WDR72: variants seen among roughly 807,000 people sequenced by gnomAD.
WDR72 encodes WD repeat domain 72.
A neutral mutation model predicts 124.2 loss-of-function variants in WDR72; 120 were observed. The observed-to-expected ratio is 0.97, with a 90% CI of 0.83 to 1.12. The LOEUF is 1.12. Among genes scored for constraint, WDR72 ranks in the 50% most tolerant of loss-of-function variants. The probability of loss-of-function intolerance (pLI) is 0.00; values close to 1 mark genes in which losing one functional copy is unlikely to be tolerated. For missense variants in WDR72, 1,387 were observed against 1,278.8 expected, an observed-to-expected ratio of 1.08 and a Z score of -1.29; for synonymous variants, 452 against 441.7, an observed-to-expected ratio of 1.02 and a Z score of -0.29.
At chr15:53,657,200 A>G (rs2015455925) in intron 14 of WDR72, among the ~76,000 whole-genome samples, 3 of 142,370 alleles carry the variant, frequency 2.1e-5, no homozygotes, top group Admixed American at 1.5e-4. Context: ...GGAGGCACAG[A>G]CTGCAGTGAG....
At chr15:53,688,711 CTACTT>C (rs1246424989) in intron 13 of WDR72, among the ~76,000 whole-genome samples, 3 of 152,098 alleles carry the variant, frequency 2.0e-5, no homozygotes, top group African/African-American at 7.2e-5. Flanking sequence ...TTGGAAAAAA[CTACTT>C]TAAAGTTCAT....
intron 18 of WDR72, among the ~76,000 whole-genome samples, chr15:53,546,687 A>C (rs974580239): frequency 6.6e-6 from 1 of 152,030 alleles, no homozygotes; most frequent in Non-Finnish European, 1.5e-5. Context: ...AAGAACAAAG[A>C]AAGAAATGCA....
chr15:53,565,229 G>A (rs1020122617), intron 18 of WDR72, among the ~76,000 whole-genome samples: 13 of 151,838 alleles, frequency 8.6e-5, no homozygotes, highest in African/African-American at 2.9e-4. Context: ...AGTTTAGAAA[G>A]TTTAAGAGGC....
intron 11 of WDR72, among the ~76,000 whole-genome samples, 175 bp downstream of exon 11, chr15:53,704,813 G>GT (rs201432357): frequency 5.4e-5 from 3 of 55,728 alleles, no homozygotes; most frequent in African/African-American, 2.6e-4. Context: ...ATTACAGGGA[G>GT]TTTAAAAAAA....
At position 53,558,954 on chromosome 15, in the gene WDR72, C is replaced by A. The variant is rs186846348; in HGVS notation, c.3149-35632G>T. Among the ~76,000 whole-genome samples the A allele has an allele frequency of 2.5e-4, 38 of 152,100 alleles. 1 individual carries two copies. The highest frequency in any genetic ancestry group is 8.7e-4 in the African/African-American group (36 of 41,546). On this transcript the variant is annotated intron_variant, in intron 18 of 19. Transcript: ENST00000360509. ...TTTCTTAGCTTATTCCAGGTGCATA[C>A]TTAAAATGTGCATGATTTTTATTAA... is the stretch of plus-strand genomic sequence containing the variant.
At chr15:53,540,291 A>G (rs1893011970) in intron 18 of WDR72, among the ~76,000 whole-genome samples, 1 of 152,214 alleles carries the variant, frequency 6.6e-6, no homozygotes, top group South Asian at 2.1e-4. Context: ...TGCCAATAGT[A>G]GACAGTACAC....
chr15:53,643,170 T>C (rs2926880), intron 14 of WDR72, among the ~76,000 whole-genome samples: 10,383 of 152,150 alleles, frequency 0.068, 1,162 homozygotes, highest in African/African-American at 0.24. Context: ...TTCATCCTAT[T>C]TTTACCTTAG....
intron 18 of WDR72, among the ~76,000 whole-genome samples, chr15:53,530,997 C>T (rs1471793117): frequency 6.6e-6 from 1 of 152,046 alleles, no homozygotes; most frequent in African/African-American, 2.4e-5. Flanking sequence ...AAGCGTTTGT[C>T]TCAGATGGTT....
intron 18 of WDR72, among the ~76,000 whole-genome samples, chr15:53,554,620 TG>T (rs1893859337): frequency 6.6e-6 from 1 of 152,162 alleles, no homozygotes; most frequent in African/African-American, 2.4e-5. Flanking sequence ...CCTAGATTTA[TG>T]GGTGAGGTCC....
At chr15:53,583,053 A>G (rs1327296806) in intron 18 of WDR72, among the ~76,000 whole-genome samples, 1 of 151,970 alleles carries the variant, frequency 6.6e-6, no homozygotes, top group Non-Finnish European at 1.5e-5. Context: ...CATCCTCTAC[A>G]TAATGCCTCA....
At chr15:53,634,667 C>T (rs941530010) in intron 14 of WDR72, among the ~76,000 whole-genome samples, 1 of 152,154 alleles carries the variant, frequency 6.6e-6, no homozygotes, top group South Asian at 2.1e-4. Context: ...GTCCTTTAGA[C>T]AATATTTAAC....
intron 18 of WDR72, among the ~76,000 whole-genome samples, chr15:53,529,226 C>G (rs1442338358): frequency 6.9e-6 from 1 of 144,154 alleles, no homozygotes; most frequent in East Asian, 2.0e-4. Flanking sequence ...CTTATGAGTT[C>G]CCAGAGAGGG....
At chr15:53,720,052 T>A (rs2017830357) in intron 3 of WDR72, among the ~76,000 whole-genome samples, 1 of 152,174 alleles carries the variant, frequency 6.6e-6, no homozygotes, top group Non-Finnish European at 1.5e-5. Context: ...TTGGAATGAC[T>A]ATTTTATTCA....
intron 14 of WDR72, among the ~76,000 whole-genome samples, chr15:53,628,281 G>GCTTC (rs2014288120): frequency 6.6e-6 from 1 of 152,044 alleles, no homozygotes; most frequent in Admixed American, 6.5e-5. Context: ...CATTAGAAGT[G>GCTTC]TAGTTAATGC....
At chr15:53,690,140 G>A (rs1202316224) in intron 13 of WDR72, among the ~76,000 whole-genome samples, 13 of 151,010 alleles carry the variant, frequency 8.6e-5, no homozygotes, top group Middle Eastern at 3.2e-3. Context: ...TGGGTGCAGC[G>A]CACCAGCATG....
chr15:53,548,119 A>T (rs1395073132), intron 18 of WDR72, among the ~76,000 whole-genome samples: 1 of 152,192 alleles, frequency 6.6e-6, no homozygotes, highest in African/African-American at 2.4e-5. Context: ...AATCTATCAT[A>T]AAGTGGTCAC....
intron 13 of WDR72, among the ~76,000 whole-genome samples, chr15:53,680,752 T>A (rs1267853923): frequency 6.6e-6 from 1 of 152,222 alleles, no homozygotes; most frequent in South Asian, 2.1e-4. Context: ...ATCATGTGCC[T>A]TTCAGTGGAG....
At chr15:53,643,046 C>T (rs1465203575) in intron 14 of WDR72, among the ~76,000 whole-genome samples, 12 of 151,994 alleles carry the variant, frequency 7.9e-5, no homozygotes, top group Admixed American at 7.9e-4. Flanking sequence ...TCTCCTTTGC[C>T]ACTGCCTTGT....
At chr15:53,708,611 G>C (rs776508831) in intron 9 of WDR72, among the ~76,000 whole-genome samples, 1 of 152,010 alleles carries the variant, frequency 6.6e-6, no homozygotes, top group Non-Finnish European at 1.5e-5. Flanking sequence ...ATGGGATCTT[G>C]GTGGCAACTA....
Sources: gnomAD v4.1 joint callset for allele counts (sites outside exome capture counted in the v4.1 genomes callset) on GRCh38, gnomAD v4.1.1 for gene constraint, MANE v1.5 for transcripts, NCBI Gene and HGNC (gene_info 2026-07-23, HGNC 2026-07-21) for gene names.